Variants in PHACTR1 observed in about 807,000 individuals in gnomAD.
PHACTR1 encodes the protein phosphatase and actin regulator 1.
A neutral mutation model predicts 69.2 loss-of-function variants in PHACTR1; 16 were observed. That is an observed-to-expected ratio of 0.23 (90% confidence interval 0.16 to 0.35). The LOEUF (loss-of-function observed/expected upper bound fraction) is 0.35, where lower values mean the gene tolerates loss of function less well. PHACTR1 is among the 10% of genes least tolerant of loss of function. The pLI, the probability that PHACTR1 is intolerant of heterozygous loss-of-function variation, is 1.00. For missense variants in PHACTR1, 510 were observed against 734.7 expected, an observed-to-expected ratio of 0.69 and a Z score of 3.54; for synonymous variants, 312 against 284.5, an observed-to-expected ratio of 1.10 and a Z score of -0.97.
At chr6:13,019,076 T>TATTTC (rs1561698395) in intron 4 of PHACTR1, among the ~76,000 whole-genome samples, 29 of 147,308 alleles carry the variant, frequency 2.0e-4, no homozygotes, top group African/African-American at 7.2e-4. Context: ...ATATATATAT[T>TATTTC]TTTTCTTTTT....
At chr6:12,959,194 AAG>A (rs1554181477) in intron 4 of PHACTR1, among the ~76,000 whole-genome samples, 8,689 of 110,736 alleles carry the variant, frequency 0.078, 332 homozygotes, top group South Asian at 0.14. Flanking sequence ...AAAAAAAAAA[AAG>A]AAAAGAAAAA....
chr6:13,027,868 G>A (rs1344825726), intron 4 of PHACTR1, among the ~76,000 whole-genome samples: 1 of 152,066 alleles, frequency 6.6e-6, no homozygotes, highest in African/African-American at 2.4e-5. Flanking sequence ...ATAGAAACGG[G>A]GTTTCACCAT....
chr6:13,195,842 G>A (rs1469829583), intron 7 of PHACTR1, among the ~76,000 whole-genome samples: 3 of 149,516 alleles, frequency 2.0e-5, no homozygotes, highest in East Asian at 2.0e-4. Flanking sequence ...CACTTATTCC[G>A]TGTGTCGGCT....
chr6:12,781,676 C>G (rs1042841398), intron 4 of PHACTR1, among the ~76,000 whole-genome samples: 1 of 152,172 alleles, frequency 6.6e-6, no homozygotes, highest in African/African-American at 2.4e-5. Flanking sequence ...ACACCTTTAA[C>G]ATCGGCTCCA....
rs531299230 is a variant in PHACTR1 at position 13,287,323 on chromosome 6, GCCAAGGGCA to G, written c.*249_*257del. The G allele has an allele frequency of 2.6e-4, 143 of 543,334 alleles. No homozygotes were observed. In the East Asian group the frequency reaches 3.4e-3, roughly 13 times the overall value. 33.7% of individuals were successfully genotyped at this position (543,334 alleles called of 1,614,324 possible). ...AAAATGCATCCCAACCCCCGGCAGT[GCCAAGGGCA>G]CCAGCAGGGCCCTGACTGAAGACTG... On this transcript the variant is annotated 3_prime_UTR_variant, in exon 15 of 15. Transcript: ENST00000332995.
At chr6:12,927,402 TAAC>T (rs1348464331) in intron 4 of PHACTR1, among the ~76,000 whole-genome samples, 1 of 151,510 alleles carries the variant, frequency 6.6e-6, no homozygotes, top group Non-Finnish European at 1.5e-5. Context: ...TTTGGAAGAT[TAAC>T]AACAACAACA....
At chr6:12,986,556 T>C (rs1452375524) in intron 4 of PHACTR1, among the ~76,000 whole-genome samples, 1 of 152,220 alleles carries the variant, frequency 6.6e-6, no homozygotes, top group East Asian at 1.9e-4. Context: ...ATGCCAGTTC[T>C]ATGCTAGGCA....
intron 4 of PHACTR1, among the ~76,000 whole-genome samples, chr6:13,017,185 CAAAAAAAAA>C (rs5874397): frequency 1.3e-5 from 1 of 77,228 alleles, no homozygotes; most frequent in Non-Finnish European, 2.3e-5. Flanking sequence ...GACTCTGTCT[CAAAAAAAAA>C]AAAAAAAAAA....
chr6:13,271,859 C>A (rs539962449), intron 10 of PHACTR1, among the ~76,000 whole-genome samples: 1 of 152,172 alleles, frequency 6.6e-6, no homozygotes, highest in African/African-American at 2.4e-5. Context: ...ATCTTGCCGA[C>A]TATAGACACC....
chr6:13,004,485 GTTGTTA>G (rs1798540233), intron 4 of PHACTR1, among the ~76,000 whole-genome samples: 1 of 151,958 alleles, frequency 6.6e-6, no homozygotes, highest in African/African-American at 2.4e-5. Context: ...GTATTTTGTC[GTTGTTA>G]TTGTTATTTG....
chr6:13,057,329 G>A (rs1307328755), intron 5 of PHACTR1, among the ~76,000 whole-genome samples: 12 of 152,100 alleles, frequency 7.9e-5, no homozygotes, highest in Non-Finnish European at 1.6e-4. Flanking sequence ...AGTAGAGCTT[G>A]GTTAATGAGA....
intron 5 of PHACTR1, among the ~76,000 whole-genome samples, chr6:13,121,815 C>T (rs758647694): frequency 1.3e-5 from 2 of 152,122 alleles, no homozygotes; most frequent in Non-Finnish European, 2.9e-5. Flanking sequence ...GCAGGCTGTG[C>T]ATGAAATGAT....
chr6:13,256,332 T>C (rs1340016460), intron 10 of PHACTR1, among the ~76,000 whole-genome samples: 1 of 152,260 alleles, frequency 6.6e-6, no homozygotes, highest in Admixed American at 6.5e-5. Context: ...GAGGAGCTGC[T>C]GTGAAGGTCT....
chr6:13,185,401 T>C (rs1762708791), intron 7 of PHACTR1, among the ~76,000 whole-genome samples: 2 of 151,786 alleles, frequency 1.3e-5, no homozygotes, highest in African/African-American at 4.8e-5. Context: ...CTTTAAGTTA[T>C]TGATCTGAAG....
intron 3 of PHACTR1, among the ~76,000 whole-genome samples, chr6:12,740,980 CT>C (rs1357822128): frequency 6.6e-6 from 1 of 151,578 alleles, no homozygotes; most frequent in Non-Finnish European, 1.5e-5. Flanking sequence ...TATTTTTCAA[CT>C]CCTAAAATTT....
At chr6:13,115,382 C>T (rs1271544168) in intron 5 of PHACTR1, among the ~76,000 whole-genome samples, 1 of 152,186 alleles carries the variant, frequency 6.6e-6, no homozygotes, top group Admixed American at 6.5e-5. Context: ...CAAACACTCT[C>T]TCTCTCCCTT....
chr6:12,981,668 TC>T (rs1795538051), intron 4 of PHACTR1, among the ~76,000 whole-genome samples: 1 of 152,192 alleles, frequency 6.6e-6, no homozygotes, highest in South Asian at 2.1e-4. Context: ...CATATTCATT[TC>T]CCATCCTCGA....
chr6:13,235,972 A>G (rs2127357552), intron 10 of PHACTR1, among the ~76,000 whole-genome samples: 1 of 152,360 alleles, frequency 6.6e-6, no homozygotes, highest in Non-Finnish European at 1.5e-5. Context: ...TTTATCATCT[A>G]AAGTGAGCTC....
At chr6:12,960,469 G>A (rs958749144) in intron 4 of PHACTR1, among the ~76,000 whole-genome samples, 9 of 152,162 alleles carry the variant, frequency 5.9e-5, no homozygotes, top group Admixed American at 5.2e-4. Context: ...GAGTGTCTGC[G>A]TGTTTTGGAC....
Sources: allele counts gnomAD v4.1 joint callset (sites outside exome capture counted in the v4.1 genomes callset), GRCh38; gene constraint gnomAD v4.1.1; transcripts MANE v1.5; gene names NCBI Gene and HGNC (gene_info 2026-07-23, HGNC 2026-07-21).